SGO1: variants seen among roughly 807,000 people sequenced by gnomAD.
SGO1 encodes the protein serologically defined breast cancer antigen NY-BR-85.
A neutral mutation model predicts 50.5 loss-of-function variants in SGO1; 39 were observed. The ratio of observed to expected loss-of-function variants is 0.77; its 90% CI spans 0.60 to 1.01. SGO1 has a LOEUF of 1.01. SGO1 is among the 50% of genes least tolerant of loss of function. SGO1 has a pLI of 0.00. For synonymous variants in SGO1, 191 were observed against 205.1 expected (o/e 0.93, Z 0.59); for missense variants, 638 against 606.0 (o/e 1.05, Z -0.55).
At chr3:20,162,630 C>A (rs1037155953) in intron 8 of SGO1, among the ~76,000 whole-genome samples, 1 of 151,732 alleles carries the variant, frequency 6.6e-6, no homozygotes, top group Non-Finnish European at 1.5e-5. Flanking sequence ...GAAAAATAGG[C>A]CAATAAAAGT....
At position 20,170,773 on chromosome 3, in the gene SGO1, C is replaced by CA; in HGVS notation, c.1514dup (p.Leu505PhefsTer16). ...TTTTCTGCTTGAAAATAGGAGAATTCAAAAAACACAAATCTGTAAAAGGGT... is the reference window on the plus strand; with the variant it reads ...TTTTCTGCTTGAAAATAGGAGAATTCAAAAAAACACAAATCTGTAAAAGGGT... On this transcript the variant is annotated frameshift_variant, in exon 8 of 8. Coordinates refer to ENST00000412997, the MANE Select transcript of SGO1 (RefSeq NM_001199251.3). LOFTEE classifies it high-confidence loss of function. 6.3e-7 allele frequency: 1 copy of CA among 1,594,512 alleles called. No individual in the cohort carries two copies. The highest frequency in any genetic ancestry group is 8.5e-7 in the Non-Finnish European group (1 of 1,175,536).
intron 3 of SGO1, 148 bp from the exon 4 acceptor site, chr3:20,178,495 G>C: frequency 1.7e-6 from 1 of 598,726 alleles, no homozygotes; most frequent in Non-Finnish European, 3.0e-6. Context: ...CAAAAGCAGA[G>C]TAAGTCTTAT....
intron 8 of SGO1, among the ~76,000 whole-genome samples, chr3:20,163,232 CCT>C: frequency 6.6e-6 from 1 of 152,142 alleles, no homozygotes; most frequent in African/African-American, 2.4e-5. Context: ...ACAAATAATC[CCT>C]TTTCCTGTTT....
chr3:20,168,226 G>A (rs1333875169), downstream of SGO1, among the ~76,000 whole-genome samples: 1 of 152,186 alleles, frequency 6.6e-6, no homozygotes, highest in Admixed American at 6.5e-5. Flanking sequence ...CTAGATCAGA[G>A]TGTCAGACCA....
In SGO1 at chr3:20,175,017, C is replaced by T. The variant is rs769229657; in HGVS notation, c.514G>A (p.Asp172Asn). Residue 172 changes from aspartate (D) to asparagine (N), a missense_variant, in exon 6 of 8, where the codon GAT becomes AAT. By Grantham distance (23) the Asp-to-Asn change is conservative. Coordinates refer to ENST00000412997, the MANE Select transcript of SGO1 (RefSeq NM_001199251.3). ...PTIPQDTLGV[D>N]FDSGEAKSTD... is the part of the protein sequence containing the mutation. ...GACTTAGCTTCACCTGAATCAAAAT[C>T]AACTCCCAGTGTGTCTTGAGGAATA... is the stretch of plus-strand genomic sequence containing the variant. The T allele has an allele frequency of 6.3e-7, 1 of 1,588,648 alleles. No homozygotes were observed. The highest frequency in any genetic ancestry group is 1.2e-5 in the South Asian group (1 of 86,828).
downstream of SGO1, among the ~76,000 whole-genome samples, chr3:20,164,667 C>CA (rs59122254): frequency 0.052 from 7,898 of 150,732 alleles, 210 homozygotes; most frequent in Non-Finnish European, 0.059. Flanking sequence ...AGATCATATA[C>CA]AAAAAAAAAT....
chr3:20,179,543 G>C (rs1701778297), intron 3 of SGO1, among the ~76,000 whole-genome samples: 2 of 152,066 alleles, frequency 1.3e-5, no homozygotes, highest in African/African-American at 4.8e-5. Flanking sequence ...TCCTACCTCA[G>C]CCTCCCAAGT....
chr3:20,164,372 C>G (rs189617121), intron 8 of SGO1, among the ~76,000 whole-genome samples: 1 of 151,368 alleles, frequency 6.6e-6, no homozygotes, highest in East Asian at 1.9e-4. Flanking sequence ...AACAGTCACT[C>G]AAGATTAAAA....
downstream of SGO1, chr3:20,168,851 C>T: frequency 3.1e-6 from 2 of 642,850 alleles, no homozygotes; most frequent in Non-Finnish European, 1.9e-6. Context: ...AGGATGGTCT[C>T]GATCTCCTTG....
intron 3 of SGO1, among the ~76,000 whole-genome samples, chr3:20,181,147 T>G (rs1419798796): frequency 6.6e-6 from 1 of 152,182 alleles, no homozygotes; most frequent in Non-Finnish European, 1.5e-5. Flanking sequence ...AGAGCGAGAC[T>G]CTGTCCACCC....
intron 5 of SGO1, among the ~76,000 whole-genome samples, chr3:20,176,147 A>G (rs1054758685): frequency 1.3e-5 from 2 of 152,208 alleles, no homozygotes; most frequent in Non-Finnish European, 2.9e-5. Flanking sequence ...GAACATGGAC[A>G]TATCAATTTA....
At chr3:20,175,085 T>C (rs760802228) in intron 5 of SGO1, 30 bp from the exon 6 acceptor site, 31 of 1,374,236 alleles carry the variant, frequency 2.3e-5, no homozygotes, top group Admixed American at 2.8e-5. Context: ...ATGAGAAAAG[T>C]AGTTTTACTT....
upstream of SGO1, among the ~76,000 whole-genome samples, chr3:20,186,847 ATCT>A (rs1479920661): frequency 6.6e-6 from 1 of 152,054 alleles, no homozygotes; most frequent in Admixed American, 6.6e-5. Context: ...CGGTCACACG[ATCT>A]TCTCAACTCT....
downstream of SGO1, among the ~76,000 whole-genome samples, chr3:20,165,754 C>G (rs1440601980): frequency 2.0e-5 from 3 of 151,994 alleles, no homozygotes; most frequent in Admixed American, 1.3e-4. Context: ...TACAAAAAAT[C>G]CTAAACAAAA....
chr3:20,170,484 G>A lies in SGO1; in HGVS notation c.*220C>T. On this transcript the variant is annotated 3_prime_UTR_variant, in exon 8 of 8. Transcript: ENST00000412997. Reference sequence around the variant, plus strand: ...GATATGATGATAATGCTTAAGCTCAGTTATTTATATTCAAAAGAAAAAATA... The same window carrying A: ...GATATGATGATAATGCTTAAGCTCAATTATTTATATTCAAAAGAAAAAATA... 1.8e-6 allele frequency: 2 copies of A among 1,112,562 alleles called. No homozygotes were observed. The highest frequency in any genetic ancestry group is 2.2e-6 in the Non-Finnish European group (2 of 913,648). The allele number at this position is 1,112,562 out of a possible 1,614,324, so 68.9% of individuals were successfully genotyped here. A position where few individuals can be genotyped will look rare whatever the true frequency, so the allele number is the denominator to read the frequency against.
At chr3:20,172,089 CTGTAT>C (rs1700805953) in intron 6 of SGO1, among the ~76,000 whole-genome samples, 1 of 152,194 alleles carries the variant, frequency 6.6e-6, no homozygotes, top group African/African-American at 2.4e-5. Flanking sequence ...ATATACTGTA[CTGTAT>C]TAATTATTCC....
rs1701174962 is a variant in SGO1 at position 20,174,717 on chromosome 3, T to C, written c.814A>G (p.Ile272Val). The C allele has an allele frequency of 4.3e-6, 7 of 1,613,980 alleles. No homozygotes were observed. Among genetic ancestry groups the C allele is most frequent in the Non-Finnish European group, 5.9e-6 (7 of 1,180,008 alleles). The change falls in exon 6 of 8, where the codon ATT becomes GTT. Residue 272 changes from isoleucine (I) to valine (V), a missense_variant. Transcript: ENST00000412997. ...PGTFTKTKED[I>V]LESKSEQTKS... ...GTTTGTTCAGATTTAGATTCTAAAATGTCTTCTTTTGTTTTAGTAAACGTT... is the reference window on the plus strand; with the variant it reads ...GTTTGTTCAGATTTAGATTCTAAAACGTCTTCTTTTGTTTTAGTAAACGTT...
rs180866174 is a variant in SGO1, at chr3:20,170,466, T to C, written c.*238A>G. On this transcript the variant is annotated 3_prime_UTR_variant, in exon 8 of 8. Transcript: ENST00000412997. ...TAGGCAGCATAAGAAATCGATATGATGATAATGCTTAAGCTCAGTTATTTA... is the reference window on the plus strand; with the variant it reads ...TAGGCAGCATAAGAAATCGATATGACGATAATGCTTAAGCTCAGTTATTTA... The C allele has an allele frequency of 1.2e-4, 130 of 1,080,346 alleles. No individual in the cohort carries two copies. In the African/African-American group the frequency reaches 2.0e-3, roughly 16 times the overall value. The allele number at this position is 1,080,346 out of a possible 1,614,324, so 66.9% of individuals were successfully genotyped here.
intron 8 of SGO1, among the ~76,000 whole-genome samples, chr3:20,162,675 G>C (rs1398905565): frequency 6.6e-6 from 1 of 152,036 alleles, no homozygotes; most frequent in African/African-American, 2.4e-5. Context: ...GGAATCGGCA[G>C]ATAGGGGTGT....
Sources: gnomAD v4.1 joint callset for allele counts (sites outside exome capture counted in the v4.1 genomes callset) on GRCh38, gnomAD v4.1.1 for gene constraint, MANE v1.5 for transcripts, NCBI Gene and HGNC (gene_info 2026-07-23, HGNC 2026-07-21) for gene names.